UNC45B: variants seen among roughly 807,000 people sequenced by gnomAD.
UNC45B encodes the protein unc-45 myosin chaperone B.
Under a neutral mutation model 98.7 loss-of-function variants are expected in UNC45B, and 78 were observed. That is an observed-to-expected ratio of 0.79 (90% CI 0.66 to 0.95). UNC45B has a LOEUF of 0.95. UNC45B is among the 40% of genes least tolerant of loss of function. The probability of loss-of-function intolerance (pLI) is 0.00; values close to 1 mark genes in which losing one functional copy is unlikely to be tolerated. For synonymous variants in UNC45B, 462 were observed against 480.4 expected (o/e 0.96, Z 0.50); for missense variants, 1,225 against 1,184.9 (o/e 1.03, Z -0.50).
rs746812588 is a variant in UNC45B, at chr17:35,154,673, A to G, written c.571A>G (p.Lys191Glu). ...CTTGCTACTGCAGCTTCTGGACACT[A>G]AGAAGCCTGAGCTGGTGCTGGCTGC... ...VALLLQLLDT[K>E]KPELVLAAVR... Residue 191 changes from lysine (K) to glutamate (E), a missense_variant, in exon 6 of 20, where the codon AAG (lysine) becomes GAG (glutamate). Lys to Glu is a moderately conservative substitution (Grantham distance 56). Transcript: ENST00000394570. The G allele has an allele frequency of 6.2e-7, 1 of 1,612,582 alleles. No individual in the cohort carries two copies. The highest frequency in any genetic ancestry group is 1.1e-5 in the South Asian group (1 of 90,858).
At chr17:35,157,648 G>A (rs1024462648) in intron 7 of UNC45B, among the ~76,000 whole-genome samples, 2 of 152,158 alleles carry the variant, frequency 1.3e-5, no homozygotes, top group Non-Finnish European at 2.9e-5. Flanking sequence ...AAGCAATGAT[G>A]AGAGTCTCCA....
intron 12 of UNC45B, 81 bp downstream of exon 12, chr17:35,170,336 T>A: frequency 6.9e-7 from 1 of 1,441,982 alleles, no homozygotes; most frequent in Non-Finnish European, 9.2e-7. Flanking sequence ...TGGATCCCAG[T>A]CTTCCTCCTG....
rs150050433 is a variant in UNC45B at position 35,148,360 on chromosome 17, C to T, written c.97C>T (p.Leu33=). 2.1e-4 allele frequency: 344 copies of T among 1,614,060 alleles called. No homozygotes were observed. In the Middle Eastern group the frequency reaches 2.8e-3, roughly 13 times the overall value. ...CGCCACAAATAGCTACAGCCAGGCC[C>T]TGAAGCTGACCAAGGACAAGGCCCT... is the stretch of plus-strand genomic sequence containing the variant. ...KAATNSYSQA[L]KLTKDKALLA... Residue 33 remains leucine (L), a synonymous_variant, in exon 2 of 20, where the codon CTG becomes TTG. Transcript: ENST00000394570.
At chr17:35,178,988 T>C (rs771804279) in intron 17 of UNC45B, among the ~76,000 whole-genome samples, 1 of 152,210 alleles carries the variant, frequency 6.6e-6, no homozygotes, top group African/African-American at 2.4e-5. Flanking sequence ...CTGACCCTGA[T>C]GATGCCTCCA....
intron 7 of UNC45B, among the ~76,000 whole-genome samples, chr17:35,157,873 G>GT (rs1024096544): frequency 1.8e-4 from 27 of 151,570 alleles, no homozygotes; most frequent in East Asian, 5.8e-4. Flanking sequence ...GTCTATAAGA[G>GT]TTTTTTTTTG....
At position 35,175,954 on chromosome 17, in the gene UNC45B, T is replaced by A. The variant is rs369759327; in HGVS notation, c.1959-14T>A. On this transcript the variant is annotated splice_polypyrimidine_tract_variant and intron_variant, in intron 14 of 19. Coordinates refer to ENST00000394570, the MANE Select transcript of UNC45B (RefSeq NM_001267052.2). ...TGGTGTATTAACTGTTCTCCTTTCT[T>A]CTCGGTCCCACAGGGTATTCCTGGC... 1.9e-6 allele frequency: 3 copies of A among 1,613,272 alleles called. No homozygotes were observed. The African/African-American group carries it at 4.0e-5, about 22-fold the overall frequency.
chr17:35,166,782 CT>C (rs1029196032), intron 9 of UNC45B, among the ~76,000 whole-genome samples: 1 of 152,186 alleles, frequency 6.6e-6, no homozygotes, highest in African/African-American at 2.4e-5. Flanking sequence ...CCCAGGGGAA[CT>C]TGCCTGAGAT....
chr17:35,170,092 TG>T, intron 11 of UNC45B, 21 bp from the exon 12 acceptor site: 1 of 1,603,956 alleles, frequency 6.2e-7, no homozygotes, highest in African/African-American at 1.3e-5. Flanking sequence ...CCTTCCCATG[TG>T]TGCTCCCTCC....
At chr17:35,162,595 CTT>C (rs531045437) in intron 8 of UNC45B, among the ~76,000 whole-genome samples, 1 of 147,896 alleles carries the variant, frequency 6.8e-6, no homozygotes, top group Admixed American at 6.7e-5. Flanking sequence ...CTTCCAGGCA[CTT>C]TTTTTTTTTG....
intron 17 of UNC45B, among the ~76,000 whole-genome samples, chr17:35,178,261 G>A (rs979076242): frequency 2.6e-5 from 4 of 152,188 alleles, no homozygotes; most frequent in African/African-American, 9.6e-5. Flanking sequence ...GTGTCTCATT[G>A]TGGTTTTGAT....
intron 8 of UNC45B, 46 bp from the exon 9 acceptor site, chr17:35,163,949 A>G (rs1273802120): frequency 6.5e-7 from 1 of 1,549,534 alleles, no homozygotes; most frequent in Non-Finnish European, 8.7e-7. Flanking sequence ...GTGTGTGAGG[A>G]TGGAGCCCAG....
At position 35,189,078 on chromosome 17, in the gene UNC45B, C is replaced by T. The variant is rs1374965948; in HGVS notation, c.*2519C>T. ...TAGGTTTTTCCAACCAATTCTCTTA[C>T]AGAAAATCTATAAATATCTTAGAGG... On this transcript the variant is annotated 3_prime_UTR_variant, in exon 20 of 20. Coordinates refer to ENST00000394570, the MANE Select transcript of UNC45B (RefSeq NM_001267052.2). 1 of 152,122 alleles carries T rather than the reference C, an allele frequency of 6.6e-6. No individual in the cohort carries two copies. Among genetic ancestry groups the T allele is most frequent in the African/African-American group, 2.4e-5 (1 of 41,422 alleles). The allele number at this position is 152,122 out of a possible 1,614,324, so 9.4% of individuals were successfully genotyped here. A position where few individuals can be genotyped will look rare whatever the true frequency, so the allele number is the denominator to read the frequency against.
Position 35,154,616 on chromosome 17 carries a change from GC to G in UNC45B, c.515del (p.Ala172ValfsTer10). The stretch of plus-strand genomic sequence containing the variant: ...TGTCCTAGGCCGTGAGGAAGCAGGG[GC>G]TGAGAAGATCTTCCAGAACAATGGA... ...LIVLGREEAG[A>X]EKIFQNNGVA... On this transcript the variant is annotated frameshift_variant, in exon 6 of 20. Transcript: ENST00000394570. LOFTEE classifies it high-confidence loss of function. 1 of 1,613,610 alleles carries G rather than the reference GC, an allele frequency of 6.2e-7. No individual in the cohort carries two copies. Among genetic ancestry groups the G allele is most frequent in the Non-Finnish European group, 8.5e-7 (1 of 1,179,880 alleles).
intron 9 of UNC45B, chr17:35,167,110 G>A (rs1299353651): frequency 1.3e-5 from 2 of 152,376 alleles, no homozygotes; most frequent in Non-Finnish European, 2.9e-5. Flanking sequence ...CAGATCACCA[G>A]AGGGGAGTGA....
At chr17:35,163,181 C>T (rs2092113479) in intron 8 of UNC45B, among the ~76,000 whole-genome samples, 1 of 152,192 alleles carries the variant, frequency 6.6e-6, no homozygotes, top group African/African-American at 2.4e-5. Flanking sequence ...GCTCTTGGCA[C>T]GTAGTAAGTG....
At position 35,187,239 on chromosome 17, in the gene UNC45B, A is replaced by G. The variant is rs1817080762; in HGVS notation, c.*680A>G. 6.6e-6 allele frequency: 1 copy of G among 152,354 alleles called. No individual in the cohort carries two copies. Among genetic ancestry groups the G allele is most frequent in the Non-Finnish European group, 1.5e-5 (1 of 68,062 alleles). 9.4% of individuals were successfully genotyped at this position (152,354 alleles called of 1,614,324 possible). ...AAATAAATAATTCATTGGCTCATGTATCTTGGCCACCCAGGGAAGGTCTGA... is the reference window on the plus strand; with the variant it reads ...AAATAAATAATTCATTGGCTCATGTGTCTTGGCCACCCAGGGAAGGTCTGA... On this transcript the variant is annotated 3_prime_UTR_variant, in exon 20 of 20. Transcript: ENST00000394570.
At chr17:35,153,179 A>G (rs2092033342) in intron 5 of UNC45B, among the ~76,000 whole-genome samples, 197 bp downstream of exon 5, 1 of 152,204 alleles carries the variant, frequency 6.6e-6, no homozygotes, top group African/African-American at 2.4e-5. Context: ...GAGGAGAGTC[A>G]TGCAGCAAGG....
chr17:35,156,574 C>T lies in UNC45B; in HGVS notation c.808+1110C>T, dbSNP rs1425175272. 4.6e-5 allele frequency among the ~76,000 whole-genome samples: 7 copies of T among 151,864 alleles called. No individual in the cohort carries two copies. In the East Asian group the frequency reaches 7.7e-4, roughly 17 times the overall value. On this transcript the variant is annotated intron_variant, in intron 7 of 19. Coordinates refer to ENST00000394570, the MANE Select transcript of UNC45B (RefSeq NM_001267052.2). ...CGGGGAGGCGAAGTTTGCAGTGAGC[C>T]GAGATTGCACCACTGCACTCCAACC... is the stretch of plus-strand genomic sequence containing the variant.
chr17:35,159,988 C>A (rs1202051304), intron 8 of UNC45B, among the ~76,000 whole-genome samples: 1 of 152,168 alleles, frequency 6.6e-6, no homozygotes, highest in African/African-American at 2.4e-5. Context: ...TTTATTTTGC[C>A]AAGATTACGG....
Sources: gnomAD v4.1 joint callset for allele counts (sites outside exome capture counted in the v4.1 genomes callset) on GRCh38, gnomAD v4.1.1 for gene constraint, MANE v1.5 for transcripts, NCBI Gene and HGNC (gene_info 2026-07-23, HGNC 2026-07-21) for gene names.